The following NOL4 variants were observed in gnomAD, a reference collection of about 807,000 sequenced individuals.
NOL4 encodes cancer/testis antigen 125.
NOL4 carries 17 observed loss-of-function variants against 75.9 expected under a neutral mutation model. The ratio of observed to expected loss-of-function variants is 0.22; its 90% CI spans 0.15 to 0.34. The LOEUF (loss-of-function observed/expected upper bound fraction) is 0.34, where lower values mean the gene tolerates loss of function less well. Among genes scored for constraint, NOL4 ranks in the 10% least tolerant of loss-of-function variants. The pLI is 1.00. For synonymous variants in NOL4, 292 were observed against 289.9 expected, an observed-to-expected ratio of 1.01 and a Z score of -0.07; for missense variants, 614 against 793.5, an observed-to-expected ratio of 0.77 and a Z score of 2.72.
chr18:34,209,678 A>G (rs1359075702), intron 1 of NOL4, among the ~76,000 whole-genome samples: 11 of 152,328 alleles, frequency 7.2e-5, no homozygotes, highest in African/African-American at 2.6e-4. Context: ...TTGAAGTAGT[A>G]TAAAACCTAA....
At chr18:33,897,369 C>T (rs1412934510) in intron 9 of NOL4, among the ~76,000 whole-genome samples, 1 of 152,098 alleles carries the variant, frequency 6.6e-6, no homozygotes, top group South Asian at 2.1e-4. Flanking sequence ...AACTTAAATG[C>T]CCATCAATGG....
intron 6 of NOL4, among the ~76,000 whole-genome samples, chr18:34,011,858 T>C (rs2074390472): frequency 6.6e-6 from 1 of 151,926 alleles, no homozygotes; most frequent in Admixed American, 6.6e-5. Flanking sequence ...GCTGGAGGGC[T>C]AGTTAAGATT....
chr18:34,155,900 T>C (rs917658980), intron 1 of NOL4, among the ~76,000 whole-genome samples: 1 of 152,100 alleles, frequency 6.6e-6, no homozygotes, highest in Admixed American at 6.6e-5. Context: ...TTCTAATCAC[T>C]GTAACAAGAA....
chr18:33,982,877 C>G (rs562491567), intron 6 of NOL4, among the ~76,000 whole-genome samples: 1 of 151,112 alleles, frequency 6.6e-6, no homozygotes, highest in South Asian at 2.1e-4. Flanking sequence ...TAGCCTCCCA[C>G]GTAGCTGGGA....
chr18:33,975,888 T>C (rs2071455848), intron 6 of NOL4, among the ~76,000 whole-genome samples: 1 of 152,248 alleles, frequency 6.6e-6, no homozygotes, highest in African/African-American at 2.4e-5. Context: ...GAAGGCACTG[T>C]TGGACACAAC....
chr18:33,856,888 T>C (rs1037093723), intron 10 of NOL4, among the ~76,000 whole-genome samples: 2 of 152,050 alleles, frequency 1.3e-5, no homozygotes, highest in Non-Finnish European at 2.9e-5. Context: ...AGTAAAAAGC[T>C]TTTTTCTTAA....
rs115205938 is a variant in NOL4 at position 34,010,347 on chromosome 18, G to A, written c.1056+8971C>T. Among the ~76,000 whole-genome samples the A allele has an allele frequency of 5.0e-3, 760 of 151,738 alleles. 9 individuals carry two copies. Among genetic ancestry groups the A allele is most frequent in the African/African-American group, 0.017 (725 of 41,430 alleles). On this transcript the variant is annotated intron_variant, in intron 6 of 10. Transcript: ENST00000261592. ...AATGACAGAATTTCGTTATTTTTAC[G>A]GCTGAATAGTATTCCATTGTGTATA...
chr18:33,892,310 A>G (rs954102917), intron 9 of NOL4, among the ~76,000 whole-genome samples: 3 of 152,016 alleles, frequency 2.0e-5, no homozygotes, highest in African/African-American at 7.2e-5. Flanking sequence ...ATGTGCCTGT[A>G]GTCCTAGCTA....
chr18:34,009,853 T>G (rs1023566313), intron 6 of NOL4, among the ~76,000 whole-genome samples: 95 of 152,050 alleles, frequency 6.2e-4, no homozygotes, highest in African/African-American at 2.2e-3. Flanking sequence ...ATATACAATT[T>G]CTTTGAATCT....
intron 5 of NOL4, among the ~76,000 whole-genome samples, chr18:34,025,638 A>G (rs1289433960): frequency 1.3e-5 from 2 of 152,130 alleles, no homozygotes; most frequent in Non-Finnish European, 2.9e-5. Flanking sequence ...TGATTGATTG[A>G]TTATCCTTTA....
chr18:34,202,492 G>C (rs1328054011), intron 1 of NOL4, among the ~76,000 whole-genome samples: 1 of 151,858 alleles, frequency 6.6e-6, no homozygotes, highest in Non-Finnish European at 1.5e-5. Context: ...ATACCCACCT[G>C]GTTGGACGAT....
intron 1 of NOL4, among the ~76,000 whole-genome samples, chr18:34,149,366 C>T (rs2081547609): frequency 6.6e-6 from 1 of 151,428 alleles, no homozygotes; most frequent in African/African-American, 2.4e-5. Flanking sequence ...GAATAATAAT[C>T]CCAGAAAATA....
At chr18:34,168,078 T>G (rs1057289111) in intron 1 of NOL4, among the ~76,000 whole-genome samples, 23 of 152,094 alleles carry the variant, frequency 1.5e-4, no homozygotes, top group African/African-American at 5.5e-4. Flanking sequence ...AATGAAAGAA[T>G]TTTCTATAAG....
intron 5 of NOL4, among the ~76,000 whole-genome samples, chr18:34,092,281 A>C (rs1292855193): frequency 2.6e-5 from 4 of 152,140 alleles, no homozygotes; most frequent in African/African-American, 9.7e-5. Flanking sequence ...CATTCTTATA[A>C]TATTTCCAAA....
chr18:33,880,860 T>C (rs1055774629), intron 10 of NOL4, among the ~76,000 whole-genome samples: 15 of 152,142 alleles, frequency 9.9e-5, no homozygotes, highest in African/African-American at 3.4e-4. Context: ...AGTTATATAA[T>C]AGTGCTGCCA....
At chr18:34,108,468 G>A (rs2079421924) in intron 2 of NOL4, among the ~76,000 whole-genome samples, 1 of 152,052 alleles carries the variant, frequency 6.6e-6, no homozygotes, top group South Asian at 2.1e-4. Flanking sequence ...TTAGCTATAA[G>A]TGGACACATA....
chr18:34,222,902 G>A (rs2037424587), intron 1 of NOL4, 88 bp downstream of exon 1: 2 of 1,525,738 alleles, frequency 1.3e-6, no homozygotes, highest in East Asian at 2.3e-5. Context: ...GGCGGCTCAC[G>A]GCTCCCCCTC....
intron 1 of NOL4, among the ~76,000 whole-genome samples, chr18:34,181,832 C>A (rs1337030674): frequency 6.6e-5 from 10 of 151,550 alleles, no homozygotes; most frequent in African/African-American, 2.4e-4. Flanking sequence ...TAGGGAAATG[C>A]AAATCAAAAC....
At chr18:34,206,998 T>C (rs2036167959) in intron 1 of NOL4, among the ~76,000 whole-genome samples, 1 of 152,132 alleles carries the variant, frequency 6.6e-6, no homozygotes. Context: ...CATTCTACTT[T>C]TGAGCCCACC....
Sources: allele counts gnomAD v4.1 joint callset (sites outside exome capture counted in the v4.1 genomes callset), GRCh38; gene constraint gnomAD v4.1.1; transcripts MANE v1.5; gene names NCBI Gene and HGNC (gene_info 2026-07-23, HGNC 2026-07-21).